NCK2: variants seen among roughly 807,000 people sequenced by gnomAD.
NCK2 encodes cytoplasmic protein NCK2.
A neutral mutation model predicts 33.9 loss-of-function variants in NCK2; 16 were observed. The ratio of observed to expected loss-of-function variants is 0.47; its 90% CI spans 0.32 to 0.72. NCK2 has a LOEUF of 0.72. Ranked by LOEUF, NCK2 falls within the 30% of genes least tolerant of loss-of-function variation. The pLI, the probability that NCK2 is intolerant of heterozygous loss-of-function variation, is 0.03. For synonymous variants in NCK2, 273 were observed against 239.9 expected, an observed-to-expected ratio of 1.14 and a Z score of -1.27; for missense variants, 418 against 537.3, an observed-to-expected ratio of 0.78 and a Z score of 2.19.
chr2:105,869,219 G>A (rs1303039016), intron 3 of NCK2, among the ~76,000 whole-genome samples: 1 of 152,138 alleles, frequency 6.6e-6, no homozygotes, highest in African/African-American at 2.4e-5. Context: ...GGAGGATAGA[G>A]GTGCGTGCAT....
chr2:105,881,380 C>A lies in NCK2; in HGVS notation c.279C>A (p.Pro93=), dbSNP rs1239415155. 2.0e-5 allele frequency: 32 copies of A among 1,610,322 alleles called. No individual in the cohort carries two copies. Among genetic ancestry groups the A allele is most frequent in the African/African-American group, 5.3e-5 (4 of 74,926 alleles). ...KTSARDASPT[P]STDAEYPANG... Reference sequence around the variant, plus strand: ...GCGCGCGGGATGCGTCCCCCACGCCCAGCACGGACGCCGAGTACCCCGCCA... The same window carrying A: ...GCGCGCGGGATGCGTCCCCCACGCCAAGCACGGACGCCGAGTACCCCGCCA... Residue 93 remains proline, a synonymous_variant, in exon 4 of 5, where the codon CCC becomes CCA. Coordinates refer to ENST00000233154, the MANE Select transcript of NCK2 (RefSeq NM_003581.5).
At chr2:105,873,715 A>AG (rs2104637476) in intron 3 of NCK2, among the ~76,000 whole-genome samples, 1 of 152,272 alleles carries the variant, frequency 6.6e-6, no homozygotes, top group South Asian at 2.1e-4. Context: ...AAGTAACTGA[A>AG]GGGGAAAAAA....
rs181888877 is a variant in NCK2 at position 105,827,156 on chromosome 2, C to G, written c.-17+10543C>G. ...CTGGGACTACAGGTGCCTACCACCA[C>G]GCCCGGCTAATTTTTGGTATTTTTA... On this transcript the variant is annotated intron_variant, in intron 2 of 4. Transcript: ENST00000233154. Among the ~76,000 whole-genome samples the G allele has an allele frequency of 8.8e-3, 1,343 of 152,124 alleles. 28 individuals are homozygous for G. The highest frequency in any genetic ancestry group is 7.4e-3 in the Non-Finnish European group (501 of 67,992).
chr2:105,830,910 G>T (rs1349668715), intron 2 of NCK2, among the ~76,000 whole-genome samples: 1 of 152,004 alleles, frequency 6.6e-6, no homozygotes, highest in Non-Finnish European at 1.5e-5. Flanking sequence ...TTTAAAACCA[G>T]ATTATTTGGG....
chr2:105,768,552 A>G (rs765370334), intron 1 of NCK2, among the ~76,000 whole-genome samples: 1 of 152,242 alleles, frequency 6.6e-6, no homozygotes, highest in Non-Finnish European at 1.5e-5. Flanking sequence ...GAACTCAGAA[A>G]GGCACTTTGC....
intron 3 of NCK2, among the ~76,000 whole-genome samples, chr2:105,870,031 TGTG>T (rs574037989): frequency 8.5e-5 from 13 of 152,122 alleles, no homozygotes; most frequent in Non-Finnish European, 1.8e-4. Context: ...CAAGGACCCA[TGTG>T]GTGGTCGGGA....
At chr2:105,760,816 C>T (rs887976258) in intron 1 of NCK2, among the ~76,000 whole-genome samples, 1 of 152,062 alleles carries the variant, frequency 6.6e-6, no homozygotes, top group African/African-American at 2.4e-5. Flanking sequence ...GGCAGAGACA[C>T]CGAGACCCCA....
intron 1 of NCK2, among the ~76,000 whole-genome samples, chr2:105,782,764 A>C (rs1288292145): frequency 6.6e-6 from 1 of 152,166 alleles, no homozygotes; most frequent in African/African-American, 2.4e-5. Flanking sequence ...CGGGGAGAAG[A>C]GGAGGTTGCA....
At chr2:105,769,972 G>C (rs1013811250) in intron 1 of NCK2, among the ~76,000 whole-genome samples, 3 of 152,136 alleles carry the variant, frequency 2.0e-5, no homozygotes, top group Non-Finnish European at 4.4e-5. Flanking sequence ...ACTTGTGCTG[G>C]CTACTTTACC....
At chr2:105,815,254 A>T (rs1675438282) in intron 1 of NCK2, among the ~76,000 whole-genome samples, 1 of 152,256 alleles carries the variant, frequency 6.6e-6, no homozygotes, top group African/African-American at 2.4e-5. Context: ...AAACAGTGCT[A>T]GAGAATACAT....
At chr2:105,757,053 C>G (rs1689620812) in intron 1 of NCK2, among the ~76,000 whole-genome samples, 2 of 152,152 alleles carry the variant, frequency 1.3e-5, no homozygotes, top group African/African-American at 4.8e-5. Context: ...GATCTGCCTG[C>G]CTCGGCCTCC....
At chr2:105,803,659 C>T (rs1448132858) in intron 1 of NCK2, among the ~76,000 whole-genome samples, 1 of 152,206 alleles carries the variant, frequency 6.6e-6, no homozygotes, top group Admixed American at 6.5e-5. Flanking sequence ...GCTTCACACC[C>T]AGGTTAGTCG....
intron 1 of NCK2, among the ~76,000 whole-genome samples, chr2:105,750,766 G>T (rs570521197): frequency 6.6e-6 from 1 of 152,204 alleles, no homozygotes; most frequent in African/African-American, 2.4e-5. Context: ...GGGTTGGTTT[G>T]TCTTTAATTG....
intron 1 of NCK2, among the ~76,000 whole-genome samples, chr2:105,757,156 G>A (rs1036858062): frequency 2.0e-5 from 3 of 152,272 alleles, no homozygotes; most frequent in East Asian, 3.9e-4. Context: ...CAACAATCTT[G>A]ATTCTTACGA....
At chr2:105,804,573 C>T (rs969652585) in intron 1 of NCK2, among the ~76,000 whole-genome samples, 1 of 152,112 alleles carries the variant, frequency 6.6e-6, no homozygotes, top group African/African-American at 2.4e-5. Context: ...ATTTGAATGG[C>T]TTTATGGATG....
chr2:105,758,773 A>G (rs1044718524), intron 1 of NCK2, among the ~76,000 whole-genome samples: 1 of 152,076 alleles, frequency 6.6e-6, no homozygotes, highest in Non-Finnish European at 1.5e-5. Flanking sequence ...CAAGACTGAT[A>G]CTTCTACCCA....
At chr2:105,815,513 C>CA (rs1675447044) in intron 1 of NCK2, among the ~76,000 whole-genome samples, 1 of 152,190 alleles carries the variant, frequency 6.6e-6, no homozygotes, top group African/African-American at 2.4e-5. Flanking sequence ...TTGAAGTCCA[C>CA]AGAGTGCTCC....
chr2:105,875,545 G>A (rs933320409), intron 3 of NCK2, among the ~76,000 whole-genome samples: 1 of 152,186 alleles, frequency 6.6e-6, no homozygotes, highest in Non-Finnish European at 1.5e-5. Flanking sequence ...GGTATTGGGA[G>A]GTGATTATGT....
At chr2:105,860,892 A>G (rs974300863) in intron 3 of NCK2, among the ~76,000 whole-genome samples, 4 of 149,852 alleles carry the variant, frequency 2.7e-5, no homozygotes, top group Non-Finnish European at 4.4e-5. Flanking sequence ...TTTTCTCTCT[A>G]CTTCTTCCAA....
Sources: gnomAD v4.1 joint callset for allele counts (sites outside exome capture counted in the v4.1 genomes callset) on GRCh38, gnomAD v4.1.1 for gene constraint, MANE v1.5 for transcripts, NCBI Gene and HGNC (gene_info 2026-07-23, HGNC 2026-07-21) for gene names.